Variants in PACRG observed in about 807,000 individuals in gnomAD.
PACRG encodes the protein parkin coregulated, also known as parkin coregulated gene protein.
PACRG carries 29 observed loss-of-function variants against 29.7 expected under a neutral mutation model. The observed-to-expected ratio is 0.98, with a 90% confidence interval of 0.73 to 1.33. PACRG has a LOEUF of 1.33. Among genes scored for constraint, PACRG ranks in the 40% most tolerant of loss-of-function variants. PACRG has a pLI of 0.00. For missense variants in PACRG, 279 were observed against 316.2 expected (o/e 0.88, Z 0.89); for synonymous variants, 116 against 118.7 (o/e 0.98, Z 0.15).
At chr6:163,071,219 T>G (rs1170489368) in intron 3 of PACRG, among the ~76,000 whole-genome samples, 1 of 152,106 alleles carries the variant, frequency 6.6e-6, no homozygotes, top group Admixed American at 6.5e-5. Context: ...ACAGAACATT[T>G]CATCCAATGG....
At chr6:162,809,698 A>G (rs999933779) in intron 1 of PACRG, among the ~76,000 whole-genome samples, 1 of 152,212 alleles carries the variant, frequency 6.6e-6, no homozygotes, top group Admixed American at 6.5e-5. Context: ...GGAAAGATGG[A>G]TGATCTCAAC....
rs577589021 is a variant in PACRG, at chr6:163,149,733, TC to T, written c.613+60330del. 3.9e-5 allele frequency among the ~76,000 whole-genome samples: 6 copies of T among 151,982 alleles called. No homozygotes were observed. In the South Asian group the frequency reaches 1.0e-3, roughly 26 times the overall value. Reference sequence around the variant, plus strand: ...ACACCTGTGAGCTCCAGAAGCTGTCTCCCCCGACCCCGGGCCAGCCTGGAGT... The same window carrying T: ...ACACCTGTGAGCTCCAGAAGCTGTCTCCCCGACCCCGGGCCAGCCTGGAGT... On this transcript the variant is annotated intron_variant, in intron 4 of 4. Coordinates refer to ENST00000366888, the MANE Select transcript of PACRG (RefSeq NM_001080379.2).
intron 4 of PACRG, among the ~76,000 whole-genome samples, chr6:163,301,518 C>T (rs1349175968): frequency 1.3e-5 from 2 of 152,200 alleles, no homozygotes; most frequent in East Asian, 1.9e-4. Flanking sequence ...GATGAGGGCT[C>T]CAAGTTCAAG....
At chr6:162,966,853 A>G (rs1801079439) in intron 2 of PACRG, among the ~76,000 whole-genome samples, 1 of 152,162 alleles carries the variant, frequency 6.6e-6, no homozygotes, top group African/African-American at 2.4e-5. Flanking sequence ...TAGTAAGAAA[A>G]CTGGTAAGCT....
intron 1 of PACRG, among the ~76,000 whole-genome samples, chr6:162,735,678 C>T (rs1276054165): frequency 6.6e-6 from 1 of 152,142 alleles, no homozygotes; most frequent in Non-Finnish European, 1.5e-5. Context: ...ATTGCAACTA[C>T]AGTTACCCAC....
chr6:163,175,832 T>A (rs1272534035), intron 4 of PACRG, among the ~76,000 whole-genome samples: 1 of 151,940 alleles, frequency 6.6e-6, no homozygotes, highest in African/African-American at 2.4e-5. Flanking sequence ...CATTTTTAAC[T>A]CATAACCCAA....
intron 2 of PACRG, among the ~76,000 whole-genome samples, chr6:162,995,696 G>T (rs530014440): frequency 1.3e-5 from 2 of 152,198 alleles, no homozygotes; most frequent in African/African-American, 4.8e-5. Context: ...GAAATCACCC[G>T]TCTTCTGCGT....
intron 1 of PACRG, among the ~76,000 whole-genome samples, chr6:162,755,991 C>A (rs1781888793): frequency 6.6e-6 from 1 of 151,752 alleles, no homozygotes; most frequent in Non-Finnish European, 1.5e-5. Flanking sequence ...TGTTTCATGC[C>A]ATTGTGATCT....
chr6:162,754,625 T>A (rs1008615948), intron 1 of PACRG, among the ~76,000 whole-genome samples: 5 of 152,144 alleles, frequency 3.3e-5, no homozygotes, highest in African/African-American at 7.2e-5. Context: ...TTTTTTTTTT[T>A]ATCTCTTTTG....
At chr6:163,169,551 A>G (rs1376257816) in intron 4 of PACRG, among the ~76,000 whole-genome samples, 1 of 152,180 alleles carries the variant, frequency 6.6e-6, no homozygotes, top group Non-Finnish European at 1.5e-5. Flanking sequence ...CGGGTGTGGA[A>G]CTGGCCCCAC....
At chr6:163,252,089 T>C (rs919484584) in intron 4 of PACRG, among the ~76,000 whole-genome samples, 4 of 152,198 alleles carry the variant, frequency 2.6e-5, no homozygotes, top group African/African-American at 9.7e-5. Flanking sequence ...TTGTGTTGCT[T>C]ATCCACACCG....
chr6:163,158,386 A>T (rs984722007), intron 4 of PACRG, among the ~76,000 whole-genome samples: 1 of 152,228 alleles, frequency 6.6e-6, no homozygotes, highest in African/African-American at 2.4e-5. Flanking sequence ...TCTTTCACCC[A>T]TCATTACTTG....
chr6:163,121,698 G>A (rs897903365), intron 4 of PACRG, among the ~76,000 whole-genome samples: 10 of 131,602 alleles, frequency 7.6e-5, no homozygotes, highest in African/African-American at 1.5e-4. Context: ...CAGAGTCTCC[G>A]TCTGTCACCC....
chr6:162,902,241 T>G (rs1032635635), intron 2 of PACRG, among the ~76,000 whole-genome samples: 1 of 152,232 alleles, frequency 6.6e-6, no homozygotes. Flanking sequence ...GTTTTACATG[T>G]GATTATAGCT....
chr6:163,076,636 C>T (rs187742373), intron 3 of PACRG, among the ~76,000 whole-genome samples: 2 of 152,338 alleles, frequency 1.3e-5, no homozygotes, highest in East Asian at 3.9e-4. Context: ...TATTTCCCTT[C>T]ATTCACCCTG....
intron 2 of PACRG, among the ~76,000 whole-genome samples, chr6:162,989,750 T>A (rs939386794): frequency 2.0e-5 from 3 of 151,892 alleles, no homozygotes; most frequent in Non-Finnish European, 4.4e-5. Context: ...TCTTTTTTTT[T>A]ATTATACTTT....
chr6:162,954,512 T>G, intron 2 of PACRG, among the ~76,000 whole-genome samples: 1 of 152,224 alleles, frequency 6.6e-6, no homozygotes, highest in African/African-American at 2.4e-5. Context: ...ATTATTTTTT[T>G]ACTGCACAAC....
chr6:162,870,869 C>G (rs6942321), intron 2 of PACRG, among the ~76,000 whole-genome samples: 16,434 of 152,208 alleles, frequency 0.11, 1,235 homozygotes, highest in African/African-American at 0.21. Flanking sequence ...CTCCTGATCT[C>G]TAATCTCTTC....
At chr6:162,995,321 CG>C (rs1249273451) in intron 2 of PACRG, among the ~76,000 whole-genome samples, 1 of 150,970 alleles carries the variant, frequency 6.6e-6, no homozygotes, top group Non-Finnish European at 1.5e-5. Flanking sequence ...TGGGCAATGG[CG>C]GGCGCCCCTC....
Sources: allele counts gnomAD v4.1 joint callset (sites outside exome capture counted in the v4.1 genomes callset), GRCh38; gene constraint gnomAD v4.1.1; transcripts MANE v1.5; gene names NCBI Gene and HGNC (gene_info 2026-07-23, HGNC 2026-07-21).